The following HELZ variants were observed in gnomAD, a reference collection of about 807,000 sequenced individuals.
The protein encoded by HELZ is ATP-dependent RNA helicase with zinc finger domain.
HELZ carries 23 observed loss-of-function variants against 218.2 expected under a neutral mutation model. The ratio of observed to expected loss-of-function variants is 0.11; its 90% CI spans 0.08 to 0.15. The LOEUF (loss-of-function observed/expected upper bound fraction) is 0.15, where lower values mean the gene tolerates loss of function less well. HELZ is among the 10% of genes least tolerant of loss of function. The probability of loss-of-function intolerance (pLI) is 1.00; values close to 1 mark genes in which losing one functional copy is unlikely to be tolerated. For synonymous variants in HELZ, 814 were observed against 829.4 expected, an observed-to-expected ratio of 0.98 and a Z score of 0.32; for missense variants, 1,813 against 2,353.7, an observed-to-expected ratio of 0.77 and a Z score of 4.75.
At chr17:67,144,767 T>C (rs1165977476) in intron 21 of HELZ, among the ~76,000 whole-genome samples, 1 of 152,102 alleles carries the variant, frequency 6.6e-6, no homozygotes, top group Non-Finnish European at 1.5e-5. Context: ...GGCTAATTTC[T>C]AGGCCAGTGG....
At chr17:67,187,309 T>C (rs2039782228) in intron 12 of HELZ, among the ~76,000 whole-genome samples, 1 of 152,054 alleles carries the variant, frequency 6.6e-6, no homozygotes, top group Non-Finnish European at 1.5e-5. Flanking sequence ...TAAAGTGAAG[T>C]CTGGGTAATC....
rs775964843 is a variant in HELZ at position 67,109,703 on chromosome 17, A to T, written c.3919-17T>A. ...CAAATCAACCTAGAAAAAAAGAAGA[A>T]GCCTTTTTTAACTGCAGAAGATTCA... On this transcript the variant is annotated splice_polypyrimidine_tract_variant and intron_variant, in intron 28 of 32. Coordinates refer to ENST00000358691, the MANE Select transcript of HELZ (RefSeq NM_014877.4). The T allele has an allele frequency of 3.2e-6, 5 of 1,579,316 alleles. No homozygotes were observed. The highest frequency in any genetic ancestry group is 1.4e-5 in the African/African-American group (1 of 73,702).
intron 13 of HELZ, among the ~76,000 whole-genome samples, chr17:67,175,816 C>G (rs1485089199): frequency 2.0e-5 from 3 of 152,174 alleles, no homozygotes; most frequent in Non-Finnish European, 4.4e-5. Flanking sequence ...TCTTGAAGAT[C>G]CTTCAAAACT....
chr17:67,093,968 A>T (rs1437466501), intron 31 of HELZ, among the ~76,000 whole-genome samples: 3 of 152,120 alleles, frequency 2.0e-5, no homozygotes, highest in African/African-American at 7.2e-5. Flanking sequence ...TTTCCCTTAA[A>T]AGATACAGAC....
intron 5 of HELZ, among the ~76,000 whole-genome samples, chr17:67,208,626 T>C (rs1428078023): frequency 2.6e-5 from 4 of 152,074 alleles, no homozygotes; most frequent in Non-Finnish European, 5.9e-5. Context: ...AATTAAGAAA[T>C]GTTGTTAAGG....
At chr17:67,216,407 G>A (rs1172181384) in intron 4 of HELZ, among the ~76,000 whole-genome samples, 3 of 152,168 alleles carry the variant, frequency 2.0e-5, no homozygotes, top group Admixed American at 6.5e-5. Flanking sequence ...AAGCCTCCTC[G>A]ACTTGTCCTA....
intron 23 of HELZ, among the ~76,000 whole-genome samples, chr17:67,130,024 T>C (rs888732262): frequency 2.0e-5 from 3 of 152,182 alleles, no homozygotes; most frequent in Non-Finnish European, 2.9e-5. Context: ...TTATAAAAGT[T>C]AGTATATGAA....
In HELZ at chr17:67,072,031, A is replaced by C. The variant is rs1316765114; in HGVS notation, c.*6221T>G. The stretch of plus-strand genomic sequence containing the variant: ...CTCCCCCACAAAAAAAAAAAATAAT[A>C]ATAACCATAAAAACTAAAACATTTG... On this transcript the variant is annotated 3_prime_UTR_variant, in exon 33 of 33. Coordinates refer to ENST00000358691, the MANE Select transcript of HELZ (RefSeq NM_014877.4). 2 of 152,484 alleles carry C rather than the reference A, an allele frequency of 1.3e-5. No individual in the cohort carries two copies. The highest frequency in any genetic ancestry group is 2.9e-5 in the Non-Finnish European group (2 of 68,048). 9.4% of individuals were successfully genotyped at this position (152,484 alleles called of 1,614,324 possible). A position where few individuals can be genotyped will look rare whatever the true frequency, so the allele number is the denominator to read the frequency against.
chr17:67,224,025 C>G (rs1181283047), intron 3 of HELZ, among the ~76,000 whole-genome samples: 1 of 152,160 alleles, frequency 6.6e-6, no homozygotes, highest in South Asian at 2.1e-4. Context: ...GATTTCCCTT[C>G]GAGAATTCAC....
intron 5 of HELZ, among the ~76,000 whole-genome samples, chr17:67,213,554 G>A (rs533819212): frequency 4.6e-5 from 7 of 152,098 alleles, no homozygotes; most frequent in African/African-American, 1.4e-4. Flanking sequence ...CCTGGGAGAC[G>A]GAGGTCACAG....
At chr17:67,147,458 T>C (rs2038535512) in intron 20 of HELZ, among the ~76,000 whole-genome samples, 1 of 152,118 alleles carries the variant, frequency 6.6e-6, no homozygotes, top group South Asian at 2.1e-4. Context: ...AGCAGGACTC[T>C]AATCTTCCCC....
At position 67,201,159 on chromosome 17, in the gene HELZ, T is replaced by C. The variant is rs2040159308; in HGVS notation, c.399A>G (p.Thr133=). ...TTTCTGAGAGAAGTGTTTTTAGTCT[T>C]GTCAAATCCTTTGTTACCATCCCAT... ...SLNGMVTKDL[T]RLKTLLSETE... The change falls in exon 7 of 33, where the codon ACA becomes ACG. Residue 133 remains threonine, a synonymous_variant. Transcript: ENST00000358691. 1.2e-6 allele frequency: 2 copies of C among 1,609,738 alleles called. No individual in the cohort carries two copies. Among genetic ancestry groups the C allele is most frequent in the Non-Finnish European group, 1.7e-6 (2 of 1,176,010 alleles).
chr17:67,202,718 G>C (rs1413087177), intron 6 of HELZ, among the ~76,000 whole-genome samples: 1 of 152,152 alleles, frequency 6.6e-6, no homozygotes, highest in African/African-American at 2.4e-5. Context: ...TAAAACTCAG[G>C]CTCTGTTAAA....
rs529142908 is a variant in HELZ at position 67,189,222 on chromosome 17, A to G, written c.864+367T>C. ...GTGACTTCATCATATCAAATATAAA[A>G]ACAAGTTGTTATGGTTTAAAAATCT... On this transcript the variant is annotated intron_variant, in intron 11 of 32. Coordinates refer to ENST00000358691, the MANE Select transcript of HELZ (RefSeq NM_014877.4). 1.9e-3 allele frequency among the ~76,000 whole-genome samples: 283 copies of G among 152,284 alleles called. 5 individuals carry two copies. Among genetic ancestry groups the G allele is most frequent in the Non-Finnish European group, 8.4e-4 (57 of 68,022 alleles).
rs10692832 is a variant in HELZ, at chr17:67,212,314, C to CAAAAAA, written c.247+3579_247+3584dup. Among the ~76,000 whole-genome samples, 155 of 21,354 alleles carry CAAAAAA rather than the reference C, an allele frequency of 7.3e-3. 23 individuals are homozygous for CAAAAAA. Among genetic ancestry groups the CAAAAAA allele is most frequent in the African/African-American group, 0.022 (136 of 6,236 alleles). The allele number at this position is 21,354 out of a possible 152,430, so 14.0% of individuals were successfully genotyped here. ...TGGGCGACAGGGAGAGACACCATCT[C>CAAAAAA]AAAAAAAAAAAAAAAAAAAAAGGCT... On this transcript the variant is annotated intron_variant, in intron 5 of 32. Coordinates refer to ENST00000358691, the MANE Select transcript of HELZ (RefSeq NM_014877.4).
intron 17 of HELZ, among the ~76,000 whole-genome samples, chr17:67,155,018 C>A (rs750821400): frequency 1.4e-4 from 21 of 152,132 alleles, no homozygotes; most frequent in Non-Finnish European, 2.5e-4. Flanking sequence ...TTCCACCCAT[C>A]CCCCAGATGA....
chr17:67,126,429 G>A (rs183405153), intron 24 of HELZ, among the ~76,000 whole-genome samples: 1 of 152,244 alleles, frequency 6.6e-6, no homozygotes, highest in Admixed American at 6.5e-5. Flanking sequence ...CATTCCACAT[G>A]GTTCAATACA....
intron 28 of HELZ, among the ~76,000 whole-genome samples, chr17:67,112,131 G>C (rs2037299190): frequency 6.6e-6 from 1 of 152,156 alleles, no homozygotes; most frequent in Non-Finnish European, 1.5e-5. Flanking sequence ...ATCAGAATCA[G>C]ATTCTCCTCT....
At chr17:67,174,599 G>A (rs532887903) in intron 13 of HELZ, among the ~76,000 whole-genome samples, 7 of 152,114 alleles carry the variant, frequency 4.6e-5, no homozygotes, top group Non-Finnish European at 7.4e-5. Context: ...AGGAGTTCAA[G>A]ACCAGCCTGG....
Sources: allele counts gnomAD v4.1 joint callset (sites outside exome capture counted in the v4.1 genomes callset), GRCh38; gene constraint gnomAD v4.1.1; transcripts MANE v1.5; gene names NCBI Gene and HGNC (gene_info 2026-07-23, HGNC 2026-07-21).